Variants in ITPR3 observed in about 807,000 individuals in gnomAD.
ITPR3 encodes inositol 1,4,5-trisphosphate receptor type 3, also known as inositol 1,4,5-trisphosphate-gated calcium channel ITPR3.
Under a neutral mutation model 293.2 loss-of-function variants are expected in ITPR3, and 173 were observed. The ratio of observed to expected loss-of-function variants is 0.59; its 90% CI spans 0.52 to 0.67. The LOEUF is 0.67. Ranked by LOEUF, ITPR3 falls within the 30% of genes least tolerant of loss-of-function variation. ITPR3 has a pLI of 0.00. For missense variants in ITPR3, 2,796 were observed against 3,592.1 expected (o/e 0.78, Z 5.66); for synonymous variants, 1,295 against 1,444.4 (o/e 0.90, Z 2.35).
intron 43 of ITPR3, 58 bp downstream of exon 43, chr6:33,686,577 A>G (rs965756342): frequency 6.1e-6 from 8 of 1,302,220 alleles, no homozygotes; most frequent in African/African-American, 1.5e-5. Flanking sequence ...GCATGCATGT[A>G]TGTGTGACTT....
At position 33,672,188 on chromosome 6, in the gene ITPR3, TG is replaced by T. The variant is rs756092815; in HGVS notation, c.2890del (p.Val964Ter). Reference protein sequence around the residue: ...RSKFEENEDIVVMETKLKILE... With the variant: ...RSKFEENEDIXVMETKLKILE... ...AAGTTTGAGGAGAATGAGGACATTG[TG>T]GTGATGGAGACCAAGCTGAAGATCC... On this transcript the variant is annotated frameshift_variant, in exon 22 of 58. Transcript: ENST00000605930. LOFTEE classifies it high-confidence loss of function. This position sits in a 1 kb window ranked among gnomAD's most constrained non-coding sequence, Gnocchi z 5.0. 1.2e-6 allele frequency: 2 copies of T among 1,611,078 alleles called. No individual in the cohort carries two copies. The highest frequency in any genetic ancestry group is 3.4e-5 in the Admixed American group (2 of 59,696).
At chr6:33,628,573 G>A (rs1763600511) in intron 1 of ITPR3, among the ~76,000 whole-genome samples, 1 of 152,194 alleles carries the variant, frequency 6.6e-6, no homozygotes, top group Non-Finnish European at 1.5e-5. Flanking sequence ...ATGAGGCTGG[G>A]CGTTCACAAC....
intron 2 of ITPR3, among the ~76,000 whole-genome samples, chr6:33,645,803 A>G (rs1202664232): frequency 1.3e-5 from 2 of 151,670 alleles, no homozygotes; most frequent in African/African-American, 4.8e-5. Flanking sequence ...GCACCTTTTC[A>G]TAAGTTTTTT....
At chr6:33,645,249 G>C (rs1349775332) in intron 2 of ITPR3, among the ~76,000 whole-genome samples, 1 of 152,006 alleles carries the variant, frequency 6.6e-6, no homozygotes, top group Non-Finnish European at 1.5e-5. Flanking sequence ...CAGGAGAATC[G>C]CTTGAACCCG....
intron 3 of ITPR3, among the ~76,000 whole-genome samples, chr6:33,656,462 C>T (rs1289651961): frequency 1.3e-5 from 2 of 152,184 alleles, no homozygotes; most frequent in African/African-American, 4.8e-5. Context: ...TTAACCTCTC[C>T]CCTTGTTTTA....
intron 2 of ITPR3, among the ~76,000 whole-genome samples, chr6:33,653,105 C>T (rs1008954808): frequency 6.6e-6 from 1 of 151,878 alleles, no homozygotes. Flanking sequence ...GACAATGTCT[C>T]GCTATGTTGC....
At chr6:33,674,908 T>TA (rs2127292194) in intron 24 of ITPR3, among the ~76,000 whole-genome samples, 1 of 152,348 alleles carries the variant, frequency 6.6e-6, no homozygotes, top group South Asian at 2.1e-4. Context: ...ATATAAACGA[T>TA]ATTTTGTGAT....
In ITPR3 at chr6:33,623,329, T is replaced by TTTG. The variant is rs1554133568; in HGVS notation, c.89+1640_89+1641insGTT. ...TTTTCAAGTGCCTGTGAGTTTTGTT[T>TTTG]TTTTTTTTTTTTTTTAAGACAAGGT... On this transcript the variant is annotated intron_variant, in intron 1 of 57. Coordinates refer to ENST00000605930, the MANE Select transcript of ITPR3 (RefSeq NM_002224.4). 2.0e-5 allele frequency among the ~76,000 whole-genome samples: 3 copies of TTTG among 146,620 alleles called. 1 individual carries two copies. The South Asian group carries it at 6.6e-4, about 32-fold the overall frequency.
chr6:33,667,678 C>G lies in ITPR3; in HGVS notation c.1714-114C>G. On this transcript the variant is annotated intron_variant, in intron 15 of 57. Transcript: ENST00000605930. The surrounding 1 kb of genome is among the most constrained non-coding windows in gnomAD (Gnocchi z 4.4). ...GATGCTTCCTTTCCTGGACCTCTGC[C>G]TTTCTAGGGTATTGGGTCCTTACCT... 1 of 1,158,218 alleles carries G rather than the reference C, an allele frequency of 8.6e-7. No individual in the cohort carries two copies. Among genetic ancestry groups the G allele is most frequent in the Admixed American group, 2.6e-5 (1 of 38,882 alleles). The allele number at this position is 1,158,218 out of a possible 1,614,324, so 71.7% of individuals were successfully genotyped here.
At chr6:33,662,500 A>T in intron 7 of ITPR3, 28 bp from the exon 8 acceptor site, 1 of 1,556,686 alleles carries the variant, frequency 6.4e-7, no homozygotes, top group Non-Finnish European at 8.7e-7. Flanking sequence ...GGCCGCAGCC[A>T]TCCTGAGCCA....
Position 33,670,306 on chromosome 6 carries a change from A to C in ITPR3, c.2190-19A>C, listed in dbSNP as rs764760425. 2 of 1,613,556 alleles carry C rather than the reference A, an allele frequency of 1.2e-6. No individual in the cohort carries two copies. The highest frequency in any genetic ancestry group is 2.2e-5 in the East Asian group (1 of 44,874). ...CGGCTGCCATCTGCCGTGTCCTCACAGTCCTCCCTGTCCTGCAGGTACCAG... is the reference window on the plus strand; with the variant it reads ...CGGCTGCCATCTGCCGTGTCCTCACCGTCCTCCCTGTCCTGCAGGTACCAG... On this transcript the variant is annotated intron_variant, in intron 18 of 57. Coordinates refer to ENST00000605930, the MANE Select transcript of ITPR3 (RefSeq NM_002224.4). This position sits in a 1 kb window ranked among gnomAD's most constrained non-coding sequence, Gnocchi z 6.7.
chr6:33,655,915 T>C lies in ITPR3; in HGVS notation c.282+28T>C. The C allele has an allele frequency of 1.2e-6, 2 of 1,612,886 alleles. No homozygotes were observed. Among genetic ancestry groups the C allele is most frequent in the South Asian group, 2.2e-5 (2 of 91,028 alleles). ...ATGTGTGTGTGTGCAGGCGTGCATC[T>C]GTGCACATGTACCAGGAACCTGGGT... On this transcript the variant is annotated intron_variant, in intron 3 of 57. Transcript: ENST00000605930. This position sits in a 1 kb window ranked among gnomAD's most constrained non-coding sequence, Gnocchi z 4.9.
chr6:33,639,441 G>A (rs374989131), intron 1 of ITPR3, among the ~76,000 whole-genome samples: 1 of 151,908 alleles, frequency 6.6e-6, no homozygotes, highest in Admixed American at 6.6e-5. Context: ...GGTACAGAAG[G>A]AGCACGGGCT....
intron 2 of ITPR3, among the ~76,000 whole-genome samples, chr6:33,652,552 C>T (rs1182513752): frequency 1.3e-5 from 2 of 152,148 alleles, no homozygotes; most frequent in East Asian, 3.9e-4. Context: ...CCTCTGCCCC[C>T]GACCCCCGGT....
At chr6:33,690,813 C>A in intron 51 of ITPR3, 104 bp from the exon 52 acceptor site, 1 of 1,071,580 alleles carries the variant, frequency 9.3e-7, no homozygotes, top group Non-Finnish European at 1.4e-6. Context: ...CCTTGGGAAA[C>A]TGTCTGGAGC....
intron 49 of ITPR3, 21 bp downstream of exon 49, chr6:33,688,802 G>C: frequency 1.2e-6 from 2 of 1,614,004 alleles, no homozygotes; most frequent in Non-Finnish European, 1.7e-6. Flanking sequence ...AGGGCTGGCC[G>C]GCAGGTTCCC....
chr6:33,686,154 G>C lies in ITPR3; in HGVS notation c.5769G>C (p.Gly1923=), dbSNP rs944437965. Residue 1923 remains glycine, a synonymous_variant, in exon 42 of 58, where the codon GGG becomes GGC. Transcript: ENST00000605930. The stretch of plus-strand genomic sequence containing the variant: ...GCGGCAGCACCACGGGCGGCCTGGG[G>C]CTGCTGGGGCTCTACATCAATGAGG... ...IMCGSTTGGL[G]LLGLYINEDN... 5 of 1,614,098 alleles carry C rather than the reference G, an allele frequency of 3.1e-6. No individual in the cohort carries two copies. The Admixed American group carries it at 5.0e-5, about 16-fold the overall frequency.
intron 2 of ITPR3, among the ~76,000 whole-genome samples, chr6:33,641,396 C>T (rs1044324652): frequency 1.3e-5 from 2 of 152,150 alleles, no homozygotes; most frequent in Admixed American, 6.5e-5. Flanking sequence ...GGATTGTCCT[C>T]GCGGGGGATG....
rs765845561 is a variant in ITPR3 at position 33,664,950 on chromosome 6, A to G, written c.1229A>G (p.Glu410Gly). Reference protein sequence around the residue: ...STNVPIDIEEERPIRLMLGTC... With the variant: ...STNVPIDIEEGRPIRLMLGTC... ...AATGTGCCCATTGACATCGAGGAGGAGCGGCCCATCCGGCTCATGGTGCGT... is the reference window on the plus strand; with the variant it reads ...AATGTGCCCATTGACATCGAGGAGGGGCGGCCCATCCGGCTCATGGTGCGT... Residue 410 changes from glutamate (E) to glycine (G), a missense_variant, in exon 12 of 58, where the codon GAG becomes GGG. By Grantham distance (98) the Glu-to-Gly change is moderately conservative. Transcript: ENST00000605930. This position sits in a 1 kb window ranked among gnomAD's most constrained non-coding sequence, Gnocchi z 4.4. 3 of 1,596,526 alleles carry G rather than the reference A, an allele frequency of 1.9e-6. No homozygotes were observed. Among genetic ancestry groups the G allele is most frequent in the Non-Finnish European group, 2.6e-6 (3 of 1,172,778 alleles).
Sources: gnomAD v4.1 joint callset for allele counts (sites outside exome capture counted in the v4.1 genomes callset) on GRCh38, gnomAD v4.1.1 for gene constraint, Gnocchi (gnomAD v3.1) non-coding constraint, MANE v1.5 for transcripts, NCBI Gene and HGNC (gene_info 2026-07-23, HGNC 2026-07-21) for gene names.